The following CADM1 variants were observed in gnomAD, a reference collection of about 807,000 sequenced individuals.
CADM1 encodes the protein cell adhesion molecule 1.
Under a neutral mutation model 53.1 loss-of-function variants are expected in CADM1, and 15 were observed. The ratio of observed to expected loss-of-function variants is 0.28; its 90% confidence interval spans 0.19 to 0.44. The LOEUF is 0.44. Among genes scored for constraint, CADM1 ranks in the 20% least tolerant of loss-of-function variants. The pLI, the probability that CADM1 is intolerant of heterozygous loss-of-function variation, is 1.00. For synonymous variants in CADM1, 281 were observed against 243.0 expected (o/e 1.16, Z -1.45); for missense variants, 434 against 611.3 (o/e 0.71, Z 3.06).
Position 115,488,595 on chromosome 11 carries a change from C to G in CADM1, c.124+15676G>C, listed in dbSNP as rs184987267. On this transcript the variant is annotated intron_variant, in intron 1 of 11. Coordinates refer to ENST00000331581, the MANE Select transcript of CADM1 (RefSeq NM_001301043.2). ...AGGAAAGAACAAACTCCAAACTTCTCCTAAATTAAAAGGTAATGTTAGCAA... is the reference window on the plus strand; with the variant it reads ...AGGAAAGAACAAACTCCAAACTTCTGCTAAATTAAAAGGTAATGTTAGCAA... 9.3e-4 allele frequency among the ~76,000 whole-genome samples: 141 copies of G among 152,318 alleles called. 1 individual carries two copies. The Middle Eastern group carries it at 0.01, about 11-fold the overall frequency.
intron 1 of CADM1, among the ~76,000 whole-genome samples, chr11:115,479,074 TA>T (rs552549081): frequency 3.9e-5 from 6 of 152,128 alleles, no homozygotes; most frequent in Non-Finnish European, 8.8e-5. Flanking sequence ...AATAAACGTA[TA>T]AAAAATTATT....
chr11:115,214,921 C>T lies in CADM1; in HGVS notation c.822-141G>A. On this transcript the variant is annotated intron_variant, in intron 6 of 11. Coordinates refer to ENST00000331581, the MANE Select transcript of CADM1 (RefSeq NM_001301043.2). ...CACAGAATTACAACTGTGAAGTCTC[C>T]AAAAATCTGTTTGGTATACAATTTT... 2.2e-6 allele frequency: 2 copies of T among 928,892 alleles called. 1 individual carries two copies. Among genetic ancestry groups the T allele is most frequent in the South Asian group, 2.8e-5 (2 of 72,702 alleles). 57.5% of individuals were successfully genotyped at this position (928,892 alleles called of 1,614,324 possible). A position where few individuals can be genotyped will look rare whatever the true frequency, so the allele number is the denominator to read the frequency against.
chr11:115,419,086 G>T (rs1278439229), intron 1 of CADM1, among the ~76,000 whole-genome samples: 1 of 152,138 alleles, frequency 6.6e-6, no homozygotes. Context: ...ACTAAAATGG[G>T]TCTCTAATTT....
At chr11:115,426,162 G>T (rs941542536) in intron 1 of CADM1, among the ~76,000 whole-genome samples, 1 of 152,166 alleles carries the variant, frequency 6.6e-6, no homozygotes, top group Admixed American at 6.5e-5. Flanking sequence ...TCCCAAACAC[G>T]AATTTTCTTT....
intron 6 of CADM1, among the ~76,000 whole-genome samples, chr11:115,215,868 G>C (rs1015865524): frequency 6.6e-6 from 1 of 152,164 alleles, no homozygotes; most frequent in Admixed American, 6.5e-5. Flanking sequence ...GCAGCGACAC[G>C]ACAAGAGACC....
At chr11:115,433,799 C>T (rs1039947143) in intron 1 of CADM1, among the ~76,000 whole-genome samples, 2 of 152,142 alleles carry the variant, frequency 1.3e-5, no homozygotes, top group African/African-American at 4.8e-5. Flanking sequence ...GCAAACACGT[C>T]GGCTGGTTCA....
At chr11:115,407,356 G>T (rs189604943) in intron 1 of CADM1, among the ~76,000 whole-genome samples, 1 of 152,110 alleles carries the variant, frequency 6.6e-6, no homozygotes, top group African/African-American at 2.4e-5. Context: ...AAGCTGAACC[G>T]CTGGATGAGT....
chr11:115,420,267 G>A (rs1339715163), intron 1 of CADM1, among the ~76,000 whole-genome samples: 1 of 152,140 alleles, frequency 6.6e-6, no homozygotes, highest in African/African-American at 2.4e-5. Context: ...CACAAGCAAG[G>A]GGACAAGTTA....
intron 1 of CADM1, among the ~76,000 whole-genome samples, chr11:115,489,279 T>C (rs1235149821): frequency 3.3e-5 from 5 of 152,218 alleles, no homozygotes; most frequent in African/African-American, 7.2e-5. Context: ...GGCACGTTGA[T>C]AGCTCTTCAT....
rs199623412 is a variant in CADM1 at position 115,353,292 on chromosome 11, A to G, written c.125-112872T>C. Among the ~76,000 whole-genome samples the G allele has an allele frequency of 5.9e-5, 9 of 152,326 alleles. No individual in the cohort carries two copies. In the East Asian group the frequency reaches 1.7e-3, roughly 29 times the overall value. ...TGTGTTTATAACAGCACTGTCCAACAGAACTTCCTGTGTTGGGAATACTTT... is the reference window on the plus strand; with the variant it reads ...TGTGTTTATAACAGCACTGTCCAACGGAACTTCCTGTGTTGGGAATACTTT... On this transcript the variant is annotated intron_variant, in intron 1 of 11. Coordinates refer to ENST00000331581, the MANE Select transcript of CADM1 (RefSeq NM_001301043.2).
intron 1 of CADM1, among the ~76,000 whole-genome samples, chr11:115,278,581 A>G (rs1381630719): frequency 6.6e-6 from 1 of 152,254 alleles, no homozygotes; most frequent in Non-Finnish European, 1.5e-5. Flanking sequence ...GAAGGTAGTT[A>G]GAAGTCGATG....
rs183185322 is a variant in CADM1, at chr11:115,451,889, A to C, written c.124+52382T>G. Among the ~76,000 whole-genome samples, 25 of 152,252 alleles carry C rather than the reference A, an allele frequency of 1.6e-4. 1 individual carries two copies. In the East Asian group the frequency reaches 4.5e-3, roughly 27 times the overall value. ...AAGCCAGTCCCCTAGAGAGTCCTGGAAAGAGTCAGGAGAGCATCTGGGGCT... is the reference window on the plus strand; with the variant it reads ...AAGCCAGTCCCCTAGAGAGTCCTGGCAAGAGTCAGGAGAGCATCTGGGGCT... On this transcript the variant is annotated intron_variant, in intron 1 of 11. Coordinates refer to ENST00000331581, the MANE Select transcript of CADM1 (RefSeq NM_001301043.2).
chr11:115,210,507 G>A (rs1940910003), intron 7 of CADM1, among the ~76,000 whole-genome samples: 1 of 151,922 alleles, frequency 6.6e-6, no homozygotes, highest in South Asian at 2.1e-4. Context: ...GACAAGGGAG[G>A]GGCAAATATG....
intron 9 of CADM1, among the ~76,000 whole-genome samples, chr11:115,191,306 T>C (rs924184822): frequency 6.6e-6 from 1 of 152,230 alleles, no homozygotes; most frequent in Admixed American, 6.5e-5. Context: ...TACATACTGA[T>C]GTATGTACAT....
At chr11:115,503,158 G>A (rs1949768394) in intron 1 of CADM1, among the ~76,000 whole-genome samples, 1 of 152,312 alleles carries the variant, frequency 6.6e-6, no homozygotes, top group African/African-American at 2.4e-5. Flanking sequence ...AAGGGAGGCT[G>A]GGTGCAGCAC....
chr11:115,218,097 C>T, intron 5 of CADM1, 106 bp from the exon 6 acceptor site: 4 of 743,586 alleles, frequency 5.4e-6, no homozygotes, highest in Non-Finnish European at 9.6e-6. Context: ...TACTCTCTCC[C>T]ATCCGATGCC....
At chr11:115,267,658 A>G (rs1385138801) in intron 1 of CADM1, among the ~76,000 whole-genome samples, 1 of 150,870 alleles carries the variant, frequency 6.6e-6, no homozygotes, top group Non-Finnish European at 1.5e-5. Flanking sequence ...CTACTACACA[A>G]ACTAACCTAA....
At chr11:115,369,347 C>T (rs916439300) in intron 1 of CADM1, among the ~76,000 whole-genome samples, 1 of 152,138 alleles carries the variant, frequency 6.6e-6, no homozygotes, top group Non-Finnish European at 1.5e-5. Context: ...TTTAAACTCT[C>T]CTAGGATTCT....
chr11:115,490,590 G>A (rs1170218792), intron 1 of CADM1, among the ~76,000 whole-genome samples: 1 of 151,998 alleles, frequency 6.6e-6, no homozygotes, highest in Admixed American at 6.6e-5. Context: ...AGTAGAGACA[G>A]GGTTTCACCA....
Sources: gnomAD v4.1 joint callset for allele counts (sites outside exome capture counted in the v4.1 genomes callset) on GRCh38, gnomAD v4.1.1 for gene constraint, MANE v1.5 for transcripts, NCBI Gene and HGNC (gene_info 2026-07-23, HGNC 2026-07-21) for gene names.